Variants in CHRNA1 observed in about 807,000 individuals in gnomAD.
The protein encoded by CHRNA1 is cholinergic receptor nicotinic alpha 1 subunit.
CHRNA1 carries 35 observed loss-of-function variants against 47.1 expected under a neutral mutation model. The observed-to-expected ratio is 0.74, with a 90% confidence interval of 0.57 to 0.99. CHRNA1 has a LOEUF of 0.99. Among genes scored for constraint, CHRNA1 ranks in the 50% least tolerant of loss-of-function variants. CHRNA1 has a pLI of 0.00. For synonymous variants in CHRNA1, 229 were observed against 223.6 expected, an observed-to-expected ratio of 1.02 and a Z score of -0.22; for missense variants, 506 against 591.1, an observed-to-expected ratio of 0.86 and a Z score of 1.49.
chr2:174,756,891 T>G (rs1393941709), intron 4 of CHRNA1, among the ~76,000 whole-genome samples: 1 of 152,166 alleles, frequency 6.6e-6, no homozygotes, highest in Non-Finnish European at 1.5e-5. Context: ...GGAAGGATGC[T>G]TTTTGAAACG....
chr2:174,750,759 A>G (rs1574004228), intron 6 of CHRNA1, among the ~76,000 whole-genome samples: 3 of 152,186 alleles, frequency 2.0e-5, no homozygotes, highest in Admixed American at 2.0e-4. Context: ...AGAGGCTGCC[A>G]AGCAGAAAAC....
intron 4 of CHRNA1, 44 bp downstream of exon 4, chr2:174,757,522 A>G: frequency 3.4e-6 from 5 of 1,456,716 alleles, no homozygotes; most frequent in Non-Finnish European, 4.8e-6. Flanking sequence ...ACTTTATTCC[A>G]CCTGCCCCAG....
Position 174,757,559 on chromosome 2 carries a change from T to G in CHRNA1, c.344+7A>C. 6.2e-7 allele frequency: 1 copy of G among 1,611,094 alleles called. No homozygotes were observed. Among genetic ancestry groups the G allele is most frequent in the Non-Finnish European group, 8.5e-7 (1 of 1,177,222 alleles). The stretch of plus-strand genomic sequence containing the variant: ...AGCACCCTCCGCCACCCATGCAGTT[T>G]GCTCACTTGTTATAGAGAACAAGGT... On this transcript the variant is annotated splice_region_variant and intron_variant, in intron 4 of 8. Coordinates refer to ENST00000348749, the MANE Select transcript of CHRNA1 (RefSeq NM_000079.4).
rs759182381 is a variant in CHRNA1, at chr2:174,748,671, G to C, written c.1151C>G (p.Ser384Cys). 3 of 1,614,260 alleles carry C rather than the reference G, an allele frequency of 1.9e-6. No homozygotes were observed. In the South Asian group the frequency reaches 3.3e-5, roughly 18 times the overall value. Reference sequence around the variant, plus strand: ...CACCTCGGGGTGTTTGATCAGGGGAGAGTGGAAGCCCATGGGTGGAGGCCC... The same window carrying C: ...CACCTCGGGGTGTTTGATCAGGGGACAGTGGAAGCCCATGGGTGGAGGCCC... ...KPGPPPMGFH[S>C]PLIKHPEVKS... The change falls in exon 8 of 9, where the codon TCT becomes TGT. Residue 384 changes from serine (S) to cysteine (C), a missense_variant. Ser to Cys is a moderately radical substitution (Grantham distance 112). Coordinates refer to ENST00000348749, the MANE Select transcript of CHRNA1 (RefSeq NM_000079.4).
In CHRNA1 at chr2:174,754,203, T is replaced by G. The variant is rs754970167; in HGVS notation, c.540+16A>C. On this transcript the variant is annotated intron_variant, in intron 5 of 8. Coordinates refer to ENST00000348749, the MANE Select transcript of CHRNA1 (RefSeq NM_000079.4). ...TTTTCCTGAAACCACCCTTATCATATGTGGCCACCACCTACCGGGTTGATG... is the reference window on the plus strand; with the variant it reads ...TTTTCCTGAAACCACCCTTATCATAGGTGGCCACCACCTACCGGGTTGATG... 8 of 1,612,354 alleles carry G rather than the reference T, an allele frequency of 5.0e-6. No homozygotes were observed. The highest frequency in any genetic ancestry group is 6.8e-6 in the Non-Finnish European group (8 of 1,179,706).
Position 174,753,556 on chromosome 2 carries a change from CA to C in CHRNA1, c.724del (p.Cys242AlafsTer7). 2 of 1,614,110 alleles carry C rather than the reference CA, an allele frequency of 1.2e-6. No homozygotes were observed. Among genetic ancestry groups the C allele is most frequent in the Non-Finnish European group, 1.7e-6 (2 of 1,180,028 alleles). The stretch of plus-strand genomic sequence containing the variant: ...GCCAGTTAAGAAGGAGAAGAGCAGG[CA>C]GGGGATGATGACGTTGACGATGAAG... ...LYFIVNVIIPCLLFSFLTGLV... is the reference protein window; with the variant it reads ...LYFIVNVIIPXLLFSFLTGLV... On this transcript the variant is annotated frameshift_variant, in exon 6 of 9. Transcript: ENST00000348749. LOFTEE classifies it high-confidence loss of function.
chr2:174,750,138 T>C lies in CHRNA1; in HGVS notation c.810A>G (p.Leu270=). The C allele has an allele frequency of 6.2e-7, 1 of 1,609,830 alleles. No homozygotes were observed. The highest frequency in any genetic ancestry group is 8.5e-7 in the Non-Finnish European group (1 of 1,179,308). The change falls in exon 7 of 9, where the codon TTA becomes TTG. Residue 270 remains leucine (L), a synonymous_variant. Transcript: ENST00000348749. ...CCAGAAGGAACACAGTCAAAGACAG[T>C]AAGACAGAGATGCTCAGAGTCATCT... ...GEKMTLSISV[L]LSLTVFLLVI... is the part of the protein sequence containing the mutation.
At position 174,757,441 on chromosome 2, in the gene CHRNA1, C is replaced by A. The variant is rs367964802; in HGVS notation, c.344+125G>T. 14 of 677,270 alleles carry A rather than the reference C, an allele frequency of 2.1e-5. No individual in the cohort carries two copies. The African/African-American group carries it at 2.4e-4, about 12-fold the overall frequency. 42.0% of individuals were successfully genotyped at this position (677,270 alleles called of 1,614,324 possible). A position where few individuals can be genotyped will look rare whatever the true frequency, so the allele number is the denominator to read the frequency against. On this transcript the variant is annotated intron_variant, in intron 4 of 8. Coordinates refer to ENST00000348749, the MANE Select transcript of CHRNA1 (RefSeq NM_000079.4). ...AAAGTGCTGAGTTTACAGGTGTGAG[C>A]CACCATCCTGGGTGATTTAACATTA... is the stretch of plus-strand genomic sequence containing the variant.
At chr2:174,757,954 G>T in intron 3 of CHRNA1, 1 of 1,526,950 alleles carries the variant, frequency 6.5e-7, no homozygotes, top group Non-Finnish European at 9.1e-7. Flanking sequence ...ACCTCATTCT[G>T]CAGATGAGAA....
chr2:174,753,240 G>A (rs568230664), intron 6 of CHRNA1: 39 of 623,454 alleles, frequency 6.3e-5, no homozygotes, highest in Non-Finnish European at 1.0e-4. Context: ...GGTGGTTAAT[G>A]TACTTTAACC....
chr2:174,753,385 T>A, intron 6 of CHRNA1, 118 bp downstream of exon 6: 1 of 1,024,052 alleles, frequency 9.8e-7, no homozygotes, highest in East Asian at 2.4e-5. Flanking sequence ...ACCCTCCTAA[T>A]GATGATGGTT....
At chr2:174,754,189 C>A (rs1683921130) in intron 5 of CHRNA1, 30 bp downstream of exon 5, 1 of 1,609,940 alleles carries the variant, frequency 6.2e-7, no homozygotes, top group Admixed American at 1.7e-5. Flanking sequence ...TTTCCTGAAA[C>A]CACCCTTATC....
At position 174,748,073 on chromosome 2, in the gene CHRNA1, TC is replaced by T; in HGVS notation, c.*50del. ...TAGACAAATCTTCCTCTCCTGCCCT[TC>T]TCTGCTCTGGTAGGTTCCAGGGCAG... is the stretch of plus-strand genomic sequence containing the variant. On this transcript the variant is annotated 3_prime_UTR_variant, in exon 9 of 9. Transcript: ENST00000348749. 1 of 1,611,328 alleles carries T rather than the reference TC, an allele frequency of 6.2e-7. No individual in the cohort carries two copies.
chr2:174,749,654 A>G (rs1206352391), intron 7 of CHRNA1, among the ~76,000 whole-genome samples: 1 of 152,230 alleles, frequency 6.6e-6, no homozygotes, highest in East Asian at 1.9e-4. Flanking sequence ...ATTTCACGGC[A>G]TTTCAATAAA....
chr2:174,761,120 T>C (rs913057077), intron 1 of CHRNA1, among the ~76,000 whole-genome samples: 2 of 152,156 alleles, frequency 1.3e-5, no homozygotes, highest in Admixed American at 6.5e-5. Flanking sequence ...TGTTGTGAGC[T>C]GTCCTGGAAA....
At position 174,754,313 on chromosome 2, in the gene CHRNA1, TCA is replaced by T; in HGVS notation, c.444_445del (p.Cys148Ter). ...AAAGGGAAAGTGGGTGACGATGATC[TCA>T]CAGTAGCTTTTAAAGATGGCTGGAG... On this transcript the variant is annotated stop_gained and frameshift_variant, in exon 5 of 9. Transcript: ENST00000348749. LOFTEE classifies it high-confidence loss of function. 6.2e-7 allele frequency: 1 copy of T among 1,614,188 alleles called. No homozygotes were observed. Among genetic ancestry groups the T allele is most frequent in the Non-Finnish European group, 8.5e-7 (1 of 1,180,036 alleles).
At chr2:174,750,937 C>A (rs763778505) in intron 6 of CHRNA1, among the ~76,000 whole-genome samples, 51 of 152,264 alleles carry the variant, frequency 3.3e-4, no homozygotes, top group Admixed American at 7.2e-4. Context: ...TCTTACCCAG[C>A]AGATGAATGG....
At chr2:174,758,142 C>A in intron 3 of CHRNA1, 1 of 1,416,976 alleles carries the variant, frequency 7.1e-7, no homozygotes, top group South Asian at 1.2e-5. Context: ...GGCATGGTGG[C>A]TCATGCCTGT....
intron 3 of CHRNA1, chr2:174,757,927 G>A: frequency 1.5e-6 from 2 of 1,368,644 alleles, no homozygotes; most frequent in South Asian, 1.2e-5. Flanking sequence ...AATCCCGTGA[G>A]GGGAGGGTGA....
Sources: gnomAD v4.1 joint callset for allele counts (sites outside exome capture counted in the v4.1 genomes callset) on GRCh38, gnomAD v4.1.1 for gene constraint, MANE v1.5 for transcripts, NCBI Gene and HGNC (gene_info 2026-07-23, HGNC 2026-07-21) for gene names.